ANXA11: variants seen among roughly 807,000 people sequenced by gnomAD.
The protein encoded by ANXA11 is 56 kDa autoantigen.
Under a neutral mutation model 64.7 loss-of-function variants are expected in ANXA11, and 57 were observed. The ratio of observed to expected loss-of-function variants is 0.88; its 90% CI spans 0.71 to 1.10. The LOEUF (loss-of-function observed/expected upper bound fraction) is 1.10. ANXA11 is among the 50% of genes least tolerant of loss of function. ANXA11 has a pLI of 0.00. For missense variants in ANXA11, 675 were observed against 670.7 expected, an observed-to-expected ratio of 1.01 and a Z score of -0.07; for synonymous variants, 260 against 265.2, an observed-to-expected ratio of 0.98 and a Z score of 0.19.
At chr10:80,157,424 G>C in intron 15 of ANXA11, 2 of 985,400 alleles carry the variant, frequency 2.0e-6, no homozygotes, top group Non-Finnish European at 2.4e-6. Context: ...GATGCTGCTG[G>C]GGGATGCAAG....
chr10:80,188,713 T>G (rs1011425805), intron 1 of ANXA11, among the ~76,000 whole-genome samples: 1 of 151,906 alleles, frequency 6.6e-6, no homozygotes, highest in Non-Finnish European at 1.5e-5. Context: ...CTATGAGGAC[T>G]AAAAGTAAAA....
chr10:80,193,766 C>T (rs974389354), intron 1 of ANXA11, among the ~76,000 whole-genome samples: 14 of 142,120 alleles, frequency 9.9e-5, no homozygotes, highest in Non-Finnish European at 2.1e-4. Flanking sequence ...GAGCCAAGAT[C>T]GTGCCACTGC....
chr10:80,180,662 A>G (rs1445906680), intron 1 of ANXA11, among the ~76,000 whole-genome samples: 8 of 150,330 alleles, frequency 5.3e-5, no homozygotes, highest in Non-Finnish European at 1.2e-4. Flanking sequence ...TTTTTTTAAC[A>G]TTAGATCCTT....
At chr10:80,184,936 G>C (rs1846486190) in intron 1 of ANXA11, among the ~76,000 whole-genome samples, 1 of 152,200 alleles carries the variant, frequency 6.6e-6, no homozygotes, top group African/African-American at 2.4e-5. Context: ...TGGAGTTCTG[G>C]GGACTGGCCT....
At chr10:80,157,857 G>A (rs1378162613) in intron 14 of ANXA11, 94 bp from the exon 15 acceptor site, 2 of 1,587,146 alleles carry the variant, frequency 1.3e-6, no homozygotes, top group East Asian at 2.2e-5. Context: ...CAGGTCCTCG[G>A]AACTCTCAGC....
chr10:80,161,048 G>A (rs1845482918), intron 12 of ANXA11, among the ~76,000 whole-genome samples: 2 of 152,126 alleles, frequency 1.3e-5, no homozygotes, highest in African/African-American at 4.8e-5. Flanking sequence ...GCTTGGCCTT[G>A]CACCCTTCAC....
intron 1 of ANXA11, among the ~76,000 whole-genome samples, chr10:80,190,380 T>C (rs1275349317): frequency 1.3e-5 from 2 of 152,232 alleles, no homozygotes; most frequent in African/African-American, 4.8e-5. Flanking sequence ...TTTGAGGTGA[T>C]GGATATATTA....
At chr10:80,166,485 A>G in intron 7 of ANXA11, 1 of 442,546 alleles carries the variant, frequency 2.3e-6, no homozygotes, top group Non-Finnish European at 4.1e-6. Flanking sequence ...TCTTTCTAAG[A>G]TTCAAAACCC....
chr10:80,167,214 A>C lies in ANXA11; in HGVS notation c.649+12T>G. ...GCAGGGAGTAGGATTTGAGCCACCCAGGGTCTCTTACCGAAGCCTTTCATG... is the reference window on the plus strand; with the variant it reads ...GCAGGGAGTAGGATTTGAGCCACCCCGGGTCTCTTACCGAAGCCTTTCATG... On this transcript the variant is annotated intron_variant, in intron 6 of 15. Coordinates refer to ENST00000422982, the MANE Select transcript of ANXA11 (RefSeq NM_145868.2). 1 of 1,613,372 alleles carries C rather than the reference A, an allele frequency of 6.2e-7. No individual in the cohort carries two copies.
At chr10:80,159,032 C>G (rs183720827) in intron 13 of ANXA11, 68 bp downstream of exon 13, 4 of 1,215,584 alleles carry the variant, frequency 3.3e-6, no homozygotes, top group Non-Finnish European at 4.9e-6. Flanking sequence ...GGAGGACAGG[C>G]GAGCAGCCTG....
intron 8 of ANXA11, among the ~76,000 whole-genome samples, chr10:80,165,576 G>A (rs1304431270): frequency 1.3e-5 from 2 of 152,194 alleles, no homozygotes; most frequent in East Asian, 1.9e-4. Flanking sequence ...GGTAGGAGAA[G>A]CACAGAAACT....
chr10:80,192,320 C>T (rs1846812236), intron 1 of ANXA11, among the ~76,000 whole-genome samples: 1 of 152,282 alleles, frequency 6.6e-6, no homozygotes, highest in African/African-American at 2.4e-5. Flanking sequence ...TTTATGGTCT[C>T]CCTCTTCATA....
At chr10:80,167,195 A>T (rs1319444119) in intron 6 of ANXA11, 31 bp downstream of exon 6, 3 of 1,602,462 alleles carry the variant, frequency 1.9e-6, no homozygotes. Flanking sequence ...GGGGGCAGGG[A>T]GTAGGATTTG....
chr10:80,161,905 TG>T, intron 12 of ANXA11, 29 bp downstream of exon 12: 1 of 1,577,420 alleles, frequency 6.3e-7, no homozygotes. Context: ...CTCATCTAAC[TG>T]GCCTCTGAGG....
At chr10:80,184,581 G>A (rs1332949512) in intron 1 of ANXA11, among the ~76,000 whole-genome samples, 3 of 151,660 alleles carry the variant, frequency 2.0e-5, no homozygotes, top group Non-Finnish European at 2.9e-5. Flanking sequence ...ATACGAGAGA[G>A]AGAGACAGAC....
chr10:80,158,321 G>C (rs1366423347), intron 13 of ANXA11, among the ~76,000 whole-genome samples: 4 of 152,300 alleles, frequency 2.6e-5, no homozygotes, highest in South Asian at 2.1e-4. Flanking sequence ...GCTACACAGG[G>C]AAGCAATGTG....
rs1017776683 is a variant in ANXA11, at chr10:80,182,957, GA to G, written c.-57-6803del. ...GAGTCAGAGAATTGGTCAGTGTGGG[GA>G]AAAAAAACACACATCTGGTCGCAGG... On this transcript the variant is annotated intron_variant, in intron 1 of 15. Transcript: ENST00000422982. Among the ~76,000 whole-genome samples the G allele has an allele frequency of 4.0e-5, 6 of 151,854 alleles. No individual in the cohort carries two copies. In the East Asian group the frequency reaches 7.7e-4, roughly 20 times the overall value.
intron 5 of ANXA11, among the ~76,000 whole-genome samples, chr10:80,167,661 T>C (rs890431348): frequency 2.0e-5 from 3 of 152,188 alleles, no homozygotes; most frequent in Non-Finnish European, 4.4e-5. Context: ...GCCTCTCTCA[T>C]CGATGCCTGG....
intron 11 of ANXA11, 43 bp downstream of exon 11, chr10:80,163,306 A>C (rs1845587734): frequency 6.2e-7 from 1 of 1,607,720 alleles, no homozygotes; most frequent in African/African-American, 1.3e-5. Context: ...AGCGGGGTGC[A>C]TCCCTGCTTT....
Sources: allele counts gnomAD v4.1 joint callset (sites outside exome capture counted in the v4.1 genomes callset), GRCh38; gene constraint gnomAD v4.1.1; transcripts MANE v1.5; gene names NCBI Gene and HGNC (gene_info 2026-07-23, HGNC 2026-07-21).